LRP1B: variants seen among roughly 807,000 people sequenced by gnomAD.
The protein encoded by LRP1B is low-density lipoprotein receptor-related protein 1B.
LRP1B carries 217 observed loss-of-function variants against 556.6 expected under a neutral mutation model. The ratio of observed to expected loss-of-function variants is 0.39; its 90% CI spans 0.35 to 0.44. LRP1B has a LOEUF of 0.44. Ranked by LOEUF, LRP1B falls within the 20% of genes least tolerant of loss-of-function variation. LRP1B has a pLI of 1.00. For missense variants in LRP1B, 5,053 were observed against 5,620.8 expected (o/e 0.90, Z 3.23); for synonymous variants, 2,047 against 1,865.8 (o/e 1.10, Z -2.50).
intron 31 of LRP1B, among the ~76,000 whole-genome samples, chr2:140,829,657 C>A (rs543873982): frequency 6.6e-6 from 1 of 151,948 alleles, no homozygotes; most frequent in African/African-American, 2.4e-5. Flanking sequence ...GCAATGAACA[C>A]CTACATCAAA....
chr2:141,761,936 A>G (rs7558288), intron 2 of LRP1B, among the ~76,000 whole-genome samples: 147,097 of 152,188 alleles, frequency 0.97, 71,275 homozygotes, highest in Non-Finnish European at 1. Flanking sequence ...CCAGGATTCC[A>G]TGGTACACAG....
At chr2:140,237,001 C>T (rs1280157446) in intron 89 of LRP1B, among the ~76,000 whole-genome samples, 1 of 150,874 alleles carries the variant, frequency 6.6e-6, no homozygotes, top group African/African-American at 2.4e-5. Flanking sequence ...TCACCTCATA[C>T]ATAGTTATTT....
chr2:141,673,949 T>C (rs1055516935), intron 2 of LRP1B, among the ~76,000 whole-genome samples: 5 of 151,958 alleles, frequency 3.3e-5, no homozygotes, highest in African/African-American at 1.2e-4. Context: ...CCTTAATCCC[T>C]CCTCTAACTG....
At chr2:141,307,891 G>T (rs1387052621) in intron 3 of LRP1B, among the ~76,000 whole-genome samples, 1 of 152,198 alleles carries the variant, frequency 6.6e-6, no homozygotes, top group Non-Finnish European at 1.5e-5. Context: ...TGTGGCACGG[G>T]TGATGGCAGT....
intron 1 of LRP1B, among the ~76,000 whole-genome samples, chr2:142,106,089 T>C (rs2104978528): frequency 6.6e-6 from 1 of 152,186 alleles, no homozygotes; most frequent in East Asian, 1.9e-4. Context: ...GCCTTAGCTA[T>C]GATTTTTCAT....
At chr2:140,587,159 A>G (rs961832139) in intron 43 of LRP1B, among the ~76,000 whole-genome samples, 2 of 152,164 alleles carry the variant, frequency 1.3e-5, no homozygotes, top group African/African-American at 4.8e-5. Context: ...ATAGCCAGTC[A>G]CAACAACAAA....
chr2:141,139,679 A>T (rs1290684250), intron 7 of LRP1B, among the ~76,000 whole-genome samples: 1 of 151,980 alleles, frequency 6.6e-6, no homozygotes. Flanking sequence ...GCTAGAATTT[A>T]AAAAAGACCG....
At chr2:141,840,257 CTTTTTT>C (rs565362139) in intron 1 of LRP1B, among the ~76,000 whole-genome samples, 32 of 84,230 alleles carry the variant, frequency 3.8e-4, no homozygotes, top group African/African-American at 1.3e-3. Context: ...AACAAATTTC[CTTTTTT>C]TTTTTTTTTT....
chr2:141,148,776 T>C (rs1701847456), intron 7 of LRP1B, among the ~76,000 whole-genome samples: 1 of 151,780 alleles, frequency 6.6e-6, no homozygotes, highest in South Asian at 2.1e-4. Flanking sequence ...AAAAGTAGAG[T>C]GACTCTTATA....
intron 2 of LRP1B, among the ~76,000 whole-genome samples, chr2:141,623,355 A>G (rs141310621): frequency 2.1e-3 from 316 of 152,304 alleles, no homozygotes; most frequent in African/African-American, 7.3e-3. Flanking sequence ...ATTTGTGGAC[A>G]ATGGTATATA....
At chr2:140,490,995 ATCTT>A (rs1688673729) in intron 57 of LRP1B, among the ~76,000 whole-genome samples, 1 of 152,170 alleles carries the variant, frequency 6.6e-6, no homozygotes, top group Non-Finnish European at 1.5e-5. Flanking sequence ...GAAAAGAACT[ATCTT>A]AAAATGTTTT....
At chr2:140,567,356 T>C (rs1473754250) in intron 43 of LRP1B, among the ~76,000 whole-genome samples, 2 of 152,192 alleles carry the variant, frequency 1.3e-5, no homozygotes, top group East Asian at 3.9e-4. Context: ...GCTGACTTAT[T>C]CCTTGGGAGC....
chr2:141,255,802 G>A (rs1275924679), intron 3 of LRP1B, among the ~76,000 whole-genome samples: 1 of 151,592 alleles, frequency 6.6e-6, no homozygotes, highest in African/African-American at 2.4e-5. Context: ...AGTTGAATTC[G>A]TAATCAAAGC....
Position 140,442,724 on chromosome 2 carries a change from T to G in LRP1B, c.10295-101A>C, listed in dbSNP as rs150151173. The G allele has an allele frequency of 2.3e-3, 2,653 of 1,172,886 alleles. 8 individuals carry two copies. Among genetic ancestry groups the G allele is most frequent in the Middle Eastern group, 6.5e-3 (31 of 4,764 alleles). The allele number at this position is 1,172,886 out of a possible 1,614,324, so 72.7% of individuals were successfully genotyped here. A position where few individuals can be genotyped will look rare whatever the true frequency, so the allele number is the denominator to read the frequency against. ...ATGTTTAAGACAGTTTATCGAAAAA[T>G]GTATTGTCTTTAAATTAATAGGACT... On this transcript the variant is annotated intron_variant, in intron 65 of 90. Transcript: ENST00000389484.
rs1346071498 is a variant in LRP1B at position 141,451,753 on chromosome 2, A to G, written c.343+28643T>C. On this transcript the variant is annotated intron_variant, in intron 3 of 90. Transcript: ENST00000389484. ...AGACATATTTTTAAAAAATTACTTA[A>G]TTATCCATCTTGGACCTTTTGTCAA... Among the ~76,000 whole-genome samples the G allele has an allele frequency of 9.9e-5, 15 of 152,106 alleles. 1 individual carries two copies.
chr2:141,213,819 G>GT (rs971133724), intron 6 of LRP1B, among the ~76,000 whole-genome samples: 45 of 150,368 alleles, frequency 3.0e-4, no homozygotes, highest in South Asian at 1.7e-3. Context: ...TTTTTTACTG[G>GT]TTTTTTTTTC....
At chr2:141,181,942 G>T (rs1307510939) in intron 7 of LRP1B, among the ~76,000 whole-genome samples, 1 of 152,028 alleles carries the variant, frequency 6.6e-6, no homozygotes, top group Middle Eastern at 3.4e-3. Context: ...CCTTTGAACC[G>T]CTAAGTTCAG....
intron 7 of LRP1B, among the ~76,000 whole-genome samples, chr2:141,159,566 G>C (rs368449302): frequency 6.6e-6 from 1 of 151,968 alleles, no homozygotes; most frequent in Non-Finnish European, 1.5e-5. Flanking sequence ...TGAGAGATCC[G>C]AGGGTAATTC....
At chr2:141,419,112 G>A (rs1376690768) in intron 3 of LRP1B, among the ~76,000 whole-genome samples, 1 of 151,568 alleles carries the variant, frequency 6.6e-6, no homozygotes, top group Non-Finnish European at 1.5e-5. Flanking sequence ...TTTTCTAATT[G>A]CTCTGGCTAG....
Sources: gnomAD v4.1 joint callset for allele counts (sites outside exome capture counted in the v4.1 genomes callset) on GRCh38, gnomAD v4.1.1 for gene constraint, MANE v1.5 for transcripts, NCBI Gene and HGNC (gene_info 2026-07-23, HGNC 2026-07-21) for gene names.